FILIP1L: variants seen among roughly 807,000 people sequenced by gnomAD.
The protein encoded by FILIP1L is filamin A-interacting protein 1-like.
In FILIP1L, 55 loss-of-function variants were observed where a neutral mutation model predicts 96.6. That is an observed-to-expected ratio of 0.57 (90% CI 0.46 to 0.71). FILIP1L has a LOEUF of 0.71. FILIP1L is among the 30% of genes least tolerant of loss of function. FILIP1L has a pLI of 0.00. For missense variants in FILIP1L, 1,304 were observed against 1,321.2 expected (o/e 0.99, Z 0.20); for synonymous variants, 467 against 473.9 (o/e 0.99, Z 0.19).
chr3:99,952,041 A>T (rs1708191367), intron 1 of FILIP1L, among the ~76,000 whole-genome samples: 1 of 152,184 alleles, frequency 6.6e-6, no homozygotes, highest in African/African-American at 2.4e-5. Context: ...ATTCCAGTGG[A>T]CCATATGTAA....
chr3:99,951,421 G>C (rs931937792), intron 1 of FILIP1L, among the ~76,000 whole-genome samples: 17 of 152,146 alleles, frequency 1.1e-4, no homozygotes, highest in African/African-American at 4.1e-4. Flanking sequence ...TATGTACTCT[G>C]TCGAATGAAT....
Position 99,833,802 on chromosome 3 carries a change from G to A in FILIP1L, c.3382-3197C>T, listed in dbSNP as rs530571251. ...TGTGGTAATTGAGGTGGTGTGGGAC[G>A]GTGGTTGGATTCAGGGCTGCTCACT... On this transcript the variant is annotated intron_variant, in intron 5 of 5. Transcript: ENST00000477258. 2.4e-4 allele frequency among the ~76,000 whole-genome samples: 36 copies of A among 152,276 alleles called. No homozygotes were observed. In the South Asian group the frequency reaches 4.8e-3, roughly 20 times the overall value.
chr3:99,978,832 C>T (rs1709041458), intron 1 of FILIP1L, among the ~76,000 whole-genome samples: 2 of 151,924 alleles, frequency 1.3e-5, no homozygotes, highest in African/African-American at 4.8e-5. Context: ...CTGCAGTGAG[C>T]TGAGATTACA....
At chr3:99,893,956 T>C (rs1706169938) in intron 4 of FILIP1L, among the ~76,000 whole-genome samples, 1 of 152,214 alleles carries the variant, frequency 6.6e-6, no homozygotes, top group South Asian at 2.1e-4. Flanking sequence ...AAGCTGGGTG[T>C]CAAGATATTC....
intron 1 of FILIP1L, among the ~76,000 whole-genome samples, chr3:100,092,042 C>T (rs534771526): frequency 1.3e-5 from 2 of 152,158 alleles, no homozygotes; most frequent in Admixed American, 6.5e-5. Context: ...AATGGGGTTG[C>T]GGATATTAAT....
At chr3:100,099,765 A>G (rs1262577058) in intron 1 of FILIP1L, among the ~76,000 whole-genome samples, 1 of 152,210 alleles carries the variant, frequency 6.6e-6, no homozygotes, top group Admixed American at 6.6e-5. Flanking sequence ...TATGTTCTGT[A>G]GCAGTGGGAA....
chr3:99,945,346 T>A (rs570775463), intron 1 of FILIP1L, among the ~76,000 whole-genome samples: 1 of 152,216 alleles, frequency 6.6e-6, no homozygotes, highest in Non-Finnish European at 1.5e-5. Context: ...GTTGCGTAGA[T>A]CTGGACCTCA....
chr3:99,841,785 A>G lies in FILIP1L; in HGVS notation c.3381+6510T>C, dbSNP rs565338713. On this transcript the variant is annotated intron_variant, in intron 5 of 5. Coordinates refer to ENST00000477258, the MANE Select transcript of FILIP1L (RefSeq NM_001387850.1). ...ATGCAAATCAAAACCACAGTGCAAT[A>G]CCACCTTACTCCTGCAAGAATGGCC... Among the ~76,000 whole-genome samples the G allele has an allele frequency of 5.6e-4, 86 of 152,320 alleles. 1 individual carries two copies. The highest frequency in any genetic ancestry group is 3.4e-3 in the Middle Eastern group (1 of 294).
chr3:99,930,222 T>C (rs931735055), intron 2 of FILIP1L, among the ~76,000 whole-genome samples, 193 bp from the exon 3 acceptor site: 8 of 152,246 alleles, frequency 5.3e-5, no homozygotes, highest in Non-Finnish European at 1.0e-4. Flanking sequence ...ACACAATTAA[T>C]GTTTTAAAAA....
At chr3:99,845,036 G>A (rs1306199024) in intron 5 of FILIP1L, among the ~76,000 whole-genome samples, 1 of 152,160 alleles carries the variant, frequency 6.6e-6, no homozygotes, top group Non-Finnish European at 1.5e-5. Context: ...TAAAACTGGT[G>A]TCATGAAGAC....
intron 1 of FILIP1L, among the ~76,000 whole-genome samples, chr3:99,991,836 A>ATATGTG (rs1553703596): frequency 5.2e-4 from 75 of 143,510 alleles, no homozygotes; most frequent in African/African-American, 1.5e-3. Flanking sequence ...ATATATATAT[A>ATATGTG]TGTGTGTGTG....
chr3:99,884,499 AT>A (rs1576546793), intron 4 of FILIP1L, among the ~76,000 whole-genome samples: 1 of 152,252 alleles, frequency 6.6e-6, no homozygotes, highest in East Asian at 1.9e-4. Flanking sequence ...AGGGAAAGGA[AT>A]TGCTGTTATT....
In FILIP1L at chr3:99,849,143, G is replaced by T; in HGVS notation, c.2533C>A (p.Leu845Met). ...DEDPNDEGSV[L>M]SFKCSQSTPC... ...GTAGACTGGCTGCATTTGAAGGACA[G>T]CACAGATCCCTCATCATTAGGGTCC... The change falls in exon 5 of 6, where the codon CTG becomes ATG. Residue 845 changes from leucine (L) to methionine (M), a missense_variant. Leu to Met is a conservative substitution (Grantham distance 15). Coordinates refer to ENST00000477258, the MANE Select transcript of FILIP1L (RefSeq NM_001387850.1). The T allele has an allele frequency of 6.2e-7, 1 of 1,614,130 alleles. No homozygotes were observed.
intron 1 of FILIP1L, among the ~76,000 whole-genome samples, chr3:100,041,932 G>T (rs901757742): frequency 8.5e-5 from 13 of 152,150 alleles, no homozygotes; most frequent in African/African-American, 3.1e-4. Flanking sequence ...AAAGGCACAG[G>T]CTGCACCTCA....
At chr3:99,922,480 T>C (rs1707155947) in intron 4 of FILIP1L, among the ~76,000 whole-genome samples, 1 of 151,780 alleles carries the variant, frequency 6.6e-6, no homozygotes, top group Admixed American at 6.6e-5. Flanking sequence ...CTGGAAAAAA[T>C]AGAGTGAATA....
At chr3:99,904,725 C>G (rs549109074) in intron 4 of FILIP1L, among the ~76,000 whole-genome samples, 1 of 152,154 alleles carries the variant, frequency 6.6e-6, no homozygotes, top group African/African-American at 2.4e-5. Context: ...TCCTTCTTGC[C>G]TCCCACACCC....
At chr3:99,973,436 A>G (rs1708880304) in intron 1 of FILIP1L, among the ~76,000 whole-genome samples, 1 of 152,236 alleles carries the variant, frequency 6.6e-6, no homozygotes, top group African/African-American at 2.4e-5. Flanking sequence ...ACATATTCAT[A>G]TAAAATAGAA....
At chr3:99,918,866 A>T (rs1314592439) in intron 4 of FILIP1L, among the ~76,000 whole-genome samples, 3 of 152,232 alleles carry the variant, frequency 2.0e-5, no homozygotes, top group Non-Finnish European at 4.4e-5. Flanking sequence ...TGCCCATGAC[A>T]AAGGTCAAAT....
rs1242019855 is a variant in FILIP1L, at chr3:99,849,339, C to G, written c.2337G>C (p.Lys779Asn). 1.2e-6 allele frequency: 2 copies of G among 1,613,990 alleles called. No individual in the cohort carries two copies. Among genetic ancestry groups the G allele is most frequent in the African/African-American group, 2.7e-5 (2 of 74,900 alleles). ...TTCCATTGAGACTAGGCCTGAGGCTCTTACTGAAATGCCGGTACCTCTCTA... is the reference window on the plus strand; with the variant it reads ...TTCCATTGAGACTAGGCCTGAGGCTGTTACTGAAATGCCGGTACCTCTCTA... The part of the protein sequence containing the change: ...KELERYRHFS[K>N]SLRPSLNGRR... The change falls in exon 5 of 6, where the codon AAG becomes AAC. Residue 779 changes from lysine (K) to asparagine (N), a missense_variant. Coordinates refer to ENST00000477258, the MANE Select transcript of FILIP1L (RefSeq NM_001387850.1).
Sources: gnomAD v4.1 joint callset for allele counts (sites outside exome capture counted in the v4.1 genomes callset) on GRCh38, gnomAD v4.1.1 for gene constraint, MANE v1.5 for transcripts, NCBI Gene and HGNC (gene_info 2026-07-23, HGNC 2026-07-21) for gene names.